The following KCTD1 variants were observed in gnomAD, a reference collection of about 807,000 sequenced individuals.
KCTD1 encodes the protein potassium channel tetramerization domain containing 1, also known as BTB/POZ domain-containing protein KCTD1.
In KCTD1, 24 loss-of-function variants were observed where a neutral mutation model predicts 66.0. The ratio of observed to expected loss-of-function variants is 0.36; its 90% CI spans 0.26 to 0.51. The LOEUF (loss-of-function observed/expected upper bound fraction) is 0.51, where lower values mean the gene tolerates loss of function less well. KCTD1 is among the 20% of genes least tolerant of loss of function. The pLI is 0.95. For synonymous variants in KCTD1, 511 were observed against 517.2 expected (o/e 0.99, Z 0.16); for missense variants, 943 against 1,205.2 (o/e 0.78, Z 3.22).
At chr18:26,625,491 C>A (rs913571924) in intron 1 of KCTD1, among the ~76,000 whole-genome samples, 2 of 152,176 alleles carry the variant, frequency 1.3e-5, no homozygotes, top group African/African-American at 4.8e-5. Flanking sequence ...TTGCTCAGCA[C>A]TTCTCCTTCC....
At chr18:26,516,462 C>T (rs1983662228) in intron 1 of KCTD1, among the ~76,000 whole-genome samples, 1 of 152,268 alleles carries the variant, frequency 6.6e-6, no homozygotes, top group East Asian at 1.9e-4. Flanking sequence ...TGAAAGATCC[C>T]TCTCTGTAGG....
chr18:26,465,084 C>T (rs1180506220), intron 3 of KCTD1, among the ~76,000 whole-genome samples: 1 of 152,002 alleles, frequency 6.6e-6, no homozygotes, highest in East Asian at 1.9e-4. Flanking sequence ...CTCCTTTGGG[C>T]TGGAATAATT....
chr18:26,655,454 A>G (rs909055853), intron 1 of KCTD1, among the ~76,000 whole-genome samples: 2 of 152,160 alleles, frequency 1.3e-5, no homozygotes, highest in African/African-American at 4.8e-5. Flanking sequence ...ACACACACAG[A>G]CACACACACG....
In KCTD1 at chr18:26,486,179, G is replaced by A. The variant is rs1023399982; in HGVS notation, c.1989-9520C>T. Among the ~76,000 whole-genome samples, 4 of 152,182 alleles carry A rather than the reference G, an allele frequency of 2.6e-5. No homozygotes were observed. The East Asian group carries it at 7.7e-4, about 29-fold the overall frequency. On this transcript the variant is annotated intron_variant, in intron 2 of 4. Transcript: ENST00000580059. ...GCCCCACTTGGCCTCCCAAAGTGTT[G>A]GGATTACAGGTGTGAGCCACTGCAC... is the stretch of plus-strand genomic sequence containing the variant.
In KCTD1 at chr18:26,542,191, T is replaced by A. The variant is rs573962823; in HGVS notation, c.1809+4537A>T. Among the ~76,000 whole-genome samples the A allele has an allele frequency of 6.6e-5, 10 of 152,354 alleles. No individual in the cohort carries two copies. In the South Asian group the frequency reaches 2.1e-3, roughly 32 times the overall value. On this transcript the variant is annotated intron_variant, in intron 1 of 4. Transcript: ENST00000580059. Reference sequence around the variant, plus strand: ...ACTAAAAACGTTAATTAAAGAAGTGTGCCTGTGCAATGTTTCAAATGTTAA... The same window carrying A: ...ACTAAAAACGTTAATTAAAGAAGTGAGCCTGTGCAATGTTTCAAATGTTAA...
chr18:26,644,755 T>TA (rs1317102079), upstream of KCTD1, among the ~76,000 whole-genome samples: 426 of 134,932 alleles, frequency 3.2e-3, no homozygotes, highest in African/African-American at 6.7e-3. Flanking sequence ...AGACTCTGTC[T>TA]AAAAAAAAAA....
At chr18:26,537,535 G>A (rs1984764570) in intron 1 of KCTD1, among the ~76,000 whole-genome samples, 1 of 152,164 alleles carries the variant, frequency 6.6e-6, no homozygotes, top group Admixed American at 6.5e-5. Flanking sequence ...TCTTAATTCT[G>A]TAGTCTATTT....
chr18:26,629,497 A>G (rs1261630324), upstream of KCTD1, among the ~76,000 whole-genome samples: 1 of 152,254 alleles, frequency 6.6e-6, no homozygotes, highest in East Asian at 1.9e-4. Context: ...AATGTTAATT[A>G]CAATTGTAAT....
At chr18:26,651,458 G>A (rs965795515) in intron 1 of KCTD1, among the ~76,000 whole-genome samples, 1 of 152,136 alleles carries the variant, frequency 6.6e-6, no homozygotes, top group Non-Finnish European at 1.5e-5. Context: ...AGGGTAGGGG[G>A]AACACTGATG....
intron 1 of KCTD1, among the ~76,000 whole-genome samples, chr18:26,627,304 C>T (rs1004581813): frequency 6.8e-5 from 9 of 131,652 alleles, no homozygotes; most frequent in Admixed American, 3.1e-4. Flanking sequence ...GTGTGTGTGC[C>T]TATAACAAAA....
rs1347572656 is a variant in KCTD1, at chr18:26,455,790, G to A, written c.2551C>T (p.Pro851Ser). ...YVLRRELRRTPRVPSVIRIKQ... is the reference protein window; with the variant it reads ...YVLRRELRRTSRVPSVIRIKQ... ...ATCCGGATGACGGAGGGTACACGGG[G>A]CGTCCGCCTCAGTTCCCGCCGAAGG... The change falls in exon 5 of 5, where the codon CCC becomes TCC. Residue 851 changes from proline to serine, a missense_variant. Physicochemically the swap from Pro to Ser is moderately conservative, Grantham distance 74 (BLOSUM62 -1). Transcript: ENST00000580059. The A allele has an allele frequency of 6.2e-7, 1 of 1,614,174 alleles. No individual in the cohort carries two copies. The highest frequency in any genetic ancestry group is 2.2e-5 in the East Asian group (1 of 44,890).
At chr18:26,494,388 G>C (rs916213509) in intron 2 of KCTD1, among the ~76,000 whole-genome samples, 3 of 152,014 alleles carry the variant, frequency 2.0e-5, no homozygotes, top group African/African-American at 7.2e-5. Flanking sequence ...AATCAAACAG[G>C]ACAAAACAAA....
At chr18:26,573,361 G>A (rs1015319279) in intron 1 of KCTD1, among the ~76,000 whole-genome samples, 2 of 152,032 alleles carry the variant, frequency 1.3e-5, no homozygotes, top group Admixed American at 6.6e-5. Context: ...CAGTGTGAAT[G>A]TACTTAATGC....
chr18:26,477,216 C>G (rs1368183817), intron 2 of KCTD1, among the ~76,000 whole-genome samples: 1 of 152,160 alleles, frequency 6.6e-6, no homozygotes, highest in Non-Finnish European at 1.5e-5. Flanking sequence ...ACAATATACA[C>G]TACAGTTTCT....
rs1478104809 is a variant in KCTD1, at chr18:26,468,013, G to C, written c.2134-8088C>G. The stretch of plus-strand genomic sequence containing the variant: ...ATGATGTTAAAGATAAAAGGCTACA[G>C]AGAGAGAGAGAGAGAGAAAGAGAGA... On this transcript the variant is annotated intron_variant, in intron 3 of 4. Transcript: ENST00000580059. The surrounding 1 kb of genome is among the most constrained non-coding windows in gnomAD (Gnocchi z 4.8). Among the ~76,000 whole-genome samples, 1 of 149,382 alleles carries C rather than the reference G, an allele frequency of 6.7e-6. No homozygotes were observed. Among genetic ancestry groups the C allele is most frequent in the African/African-American group, 2.4e-5 (1 of 41,050 alleles).
chr18:26,479,767 C>T (rs1171783606), intron 2 of KCTD1, among the ~76,000 whole-genome samples: 1 of 152,180 alleles, frequency 6.6e-6, no homozygotes, highest in Non-Finnish European at 1.5e-5. Flanking sequence ...TGCCAAGGGT[C>T]GTAAAATGGC....
At chr18:26,585,091 GC>G (rs999372487) in intron 1 of KCTD1, among the ~76,000 whole-genome samples, 1 of 151,996 alleles carries the variant, frequency 6.6e-6, no homozygotes, top group Non-Finnish European at 1.5e-5. Flanking sequence ...GTCTGATGCT[GC>G]CCCCCGATAC....
chr18:26,584,930 G>A (rs1986439894), intron 1 of KCTD1, among the ~76,000 whole-genome samples: 1 of 152,156 alleles, frequency 6.6e-6, no homozygotes, highest in African/African-American at 2.4e-5. Context: ...CCCTGTAGGA[G>A]GAGCACGTAG....
intron 1 of KCTD1, among the ~76,000 whole-genome samples, chr18:26,610,575 A>AAG (rs201744168): frequency 1.3e-5 from 2 of 149,846 alleles, no homozygotes; most frequent in Admixed American, 6.6e-5. Context: ...GGCTCTAAGA[A>AAG]AGAGAGAGAG....
Sources: gnomAD v4.1 joint callset for allele counts (sites outside exome capture counted in the v4.1 genomes callset) on GRCh38, gnomAD v4.1.1 for gene constraint, Gnocchi (gnomAD v3.1) non-coding constraint, MANE v1.5 for transcripts, NCBI Gene and HGNC (gene_info 2026-07-23, HGNC 2026-07-21) for gene names.